Variants in RBM20 observed in about 807,000 individuals in gnomAD.
The protein encoded by RBM20 is RNA-binding protein 20.
RBM20 carries 51 observed loss-of-function variants against 110.1 expected under a neutral mutation model. That is an observed-to-expected ratio of 0.46 (90% CI 0.37 to 0.59). The LOEUF is 0.59. RBM20 is among the 20% of genes least tolerant of loss of function. The probability of loss-of-function intolerance (pLI) is 0.00; values close to 1 mark genes in which losing one functional copy is unlikely to be tolerated. For missense variants in RBM20, 1,512 were observed against 1,574.9 expected (o/e 0.96, Z 0.68); for synonymous variants, 589 against 618.2 (o/e 0.95, Z 0.70).
chr10:110,757,925 T>C lies in RBM20; in HGVS notation c.192-22876T>C, dbSNP rs545933913. On this transcript the variant is annotated intron_variant, in intron 1 of 13. Transcript: ENST00000369519. ...ATGGGATAGACCCTACTGTGAGTTGTTTATTCAAAATATTGAGCTCTGCTT... is the reference window on the plus strand; with the variant it reads ...ATGGGATAGACCCTACTGTGAGTTGCTTATTCAAAATATTGAGCTCTGCTT... 5.3e-5 allele frequency among the ~76,000 whole-genome samples: 8 copies of C among 151,190 alleles called. No homozygotes were observed. In the South Asian group the frequency reaches 1.7e-3, roughly 31 times the overall value.
chr10:110,801,700 C>CTT (rs61281177), intron 7 of RBM20, among the ~76,000 whole-genome samples: 10,944 of 116,630 alleles, frequency 0.094, 881 homozygotes, highest in East Asian at 0.34. Context: ...TGCCTGGCTA[C>CTT]TTTTTTTTTT....
chr10:110,725,190 G>T (rs1414752128), intron 1 of RBM20, among the ~76,000 whole-genome samples: 5 of 152,206 alleles, frequency 3.3e-5, no homozygotes, highest in Non-Finnish European at 7.3e-5. Context: ...TGTACTAGTG[G>T]TGCTAACATT....
chr10:110,823,363 A>T, intron 11 of RBM20, 117 bp from the exon 12 acceptor site: 1 of 1,323,524 alleles, frequency 7.6e-7, no homozygotes, highest in Non-Finnish European at 1.0e-6. Flanking sequence ...TAAGCAGTCC[A>T]AGGAACAATT....
chr10:110,758,675 G>A (rs1057418247), intron 1 of RBM20, among the ~76,000 whole-genome samples: 7 of 152,160 alleles, frequency 4.6e-5, no homozygotes, highest in East Asian at 1.9e-4. Context: ...CATGATAATC[G>A]CTAGTCACAT....
chr10:110,683,050 G>C (rs888973467), intron 1 of RBM20, among the ~76,000 whole-genome samples: 1 of 146,278 alleles, frequency 6.8e-6, no homozygotes, highest in African/African-American at 2.8e-5. Context: ...CACAATTTTT[G>C]ATTGTGTCAT....
chr10:110,650,470 A>C (rs1861930210), intron 1 of RBM20, among the ~76,000 whole-genome samples: 3 of 152,166 alleles, frequency 2.0e-5, no homozygotes, highest in Admixed American at 1.3e-4. Flanking sequence ...TGGACAAATC[A>C]ATCTTTCCAT....
chr10:110,718,608 C>CTTTTTTT (rs61629487), intron 1 of RBM20, among the ~76,000 whole-genome samples: 324 of 101,508 alleles, frequency 3.2e-3, no homozygotes, highest in Middle Eastern at 7.4e-3. Flanking sequence ...CTACTCCATT[C>CTTTTTTT]TTTTTTTTTT....
intron 1 of RBM20, among the ~76,000 whole-genome samples, chr10:110,762,691 G>T (rs1371772179): frequency 2.0e-5 from 3 of 152,090 alleles, no homozygotes; most frequent in Admixed American, 1.3e-4. Flanking sequence ...TCTTTCCTGT[G>T]GCTGGCTGTG....
rs1213819840 is a variant in RBM20 at position 110,781,556 on chromosome 10, A to G, written c.947A>G (p.Asn316Ser). The G allele has an allele frequency of 6.4e-7, 1 of 1,551,564 alleles. No individual in the cohort carries two copies. Among genetic ancestry groups the G allele is most frequent in the African/African-American group, 1.4e-5 (1 of 73,024 alleles). Residue 316 changes from asparagine (N) to serine (S), a missense_variant, in exon 2 of 14, where the codon AAC (asparagine) becomes AGC (serine). This residue lies in a region of RBM20 where 1,149 missense variants were observed against 1,169.4 expected (regional missense o/e 0.98). Coordinates refer to ENST00000369519, the MANE Select transcript of RBM20 (RefSeq NM_001134363.3). ...SEVGPLLQGT[N>S]SQWESPHGFS... ...GTCGGGCCACTGCTGCAGGGCACAA[A>G]CAGCCAATGGGAGAGCCCCCATGGA...
chr10:110,767,392 A>C (rs1169265528), intron 1 of RBM20, among the ~76,000 whole-genome samples: 35 of 97,056 alleles, frequency 3.6e-4, no homozygotes, highest in African/African-American at 6.6e-4. Context: ...GCGGGGGCTG[A>C]CCCCCACCTC....
At chr10:110,743,578 CACAT>C (rs1232991410) in intron 1 of RBM20, among the ~76,000 whole-genome samples, 1 of 152,074 alleles carries the variant, frequency 6.6e-6, no homozygotes, top group Non-Finnish European at 1.5e-5. Flanking sequence ...CAGAGGCACA[CACAT>C]GCATGCATGC....
At chr10:110,809,886 G>C (rs974675359) in intron 7 of RBM20, among the ~76,000 whole-genome samples, 5 of 152,194 alleles carry the variant, frequency 3.3e-5, no homozygotes, top group African/African-American at 1.2e-4. Flanking sequence ...GGAACACAGG[G>C]TGGCTGGTGA....
chr10:110,747,295 T>G (rs533283740), intron 1 of RBM20, among the ~76,000 whole-genome samples: 4 of 135,714 alleles, frequency 2.9e-5, no homozygotes, highest in Admixed American at 7.4e-5. Flanking sequence ...AACTCTTTTT[T>G]TGGGGGGGGG....
At chr10:110,763,836 T>C (rs556024894) in intron 1 of RBM20, among the ~76,000 whole-genome samples, 1 of 146,048 alleles carries the variant, frequency 6.8e-6, no homozygotes, top group South Asian at 2.3e-4. Flanking sequence ...GTTTCTCAAC[T>C]GCAACACTAT....
intron 1 of RBM20, among the ~76,000 whole-genome samples, chr10:110,647,715 T>C (rs1280076540): frequency 6.6e-6 from 1 of 152,228 alleles, no homozygotes. Context: ...CTCCAACATT[T>C]ACAATGTTTT....
At chr10:110,681,022 A>G (rs1862416062) in intron 1 of RBM20, among the ~76,000 whole-genome samples, 1 of 152,198 alleles carries the variant, frequency 6.6e-6, no homozygotes, top group African/African-American at 2.4e-5. Flanking sequence ...GTCTGCCTGG[A>G]TGGTTTCTGT....
intron 8 of RBM20, 27 bp downstream of exon 8, chr10:110,810,489 G>T: frequency 6.6e-7 from 1 of 1,514,400 alleles, no homozygotes; most frequent in South Asian, 1.2e-5. Flanking sequence ...CAAGTCTCCA[G>T]GCAGGTTCTG....
chr10:110,814,443 G>A (rs1355344639), intron 9 of RBM20, among the ~76,000 whole-genome samples: 1 of 152,108 alleles, frequency 6.6e-6, no homozygotes, highest in Non-Finnish European at 1.5e-5. Flanking sequence ...GCTCAGAGAG[G>A]GTGATATTTG....
intron 5 of RBM20, among the ~76,000 whole-genome samples, chr10:110,792,769 A>C (rs998132489): frequency 2.0e-5 from 3 of 152,238 alleles, no homozygotes; most frequent in African/African-American, 7.2e-5. Flanking sequence ...AGGATTCATA[A>C]ACAAGGTGCT....
Sources: allele counts gnomAD v4.1 joint callset (sites outside exome capture counted in the v4.1 genomes callset), GRCh38; gene constraint gnomAD v4.1.1; regional missense constraint gnomAD v4.1.1; transcripts MANE v1.5; gene names NCBI Gene and HGNC (gene_info 2026-07-23, HGNC 2026-07-21).